Variants in KCNN3 observed in about 807,000 individuals in gnomAD.
KCNN3 encodes small conductance calcium-activated potassium channel protein 3.
Under a neutral mutation model 62.9 loss-of-function variants are expected in KCNN3, and 16 were observed. The observed-to-expected ratio is 0.25, with a 90% confidence interval of 0.17 to 0.39. The LOEUF (loss-of-function observed/expected upper bound fraction) is 0.39. Among genes scored for constraint, KCNN3 ranks in the 10% least tolerant of loss-of-function variants. The pLI is 1.00. For synonymous variants in KCNN3, 370 were observed against 389.2 expected (o/e 0.95, Z 0.58); for missense variants, 599 against 949.4 (o/e 0.63, Z 4.85).
intron 5 of KCNN3, among the ~76,000 whole-genome samples, chr1:154,724,404 C>A (rs1408291048): frequency 6.6e-6 from 1 of 152,216 alleles, no homozygotes; most frequent in African/African-American, 2.4e-5. Flanking sequence ...GCTCATGGGT[C>A]CCTTAACCTA....
rs1322174628 is a variant in KCNN3 at position 154,869,585 on chromosome 1, C to T, written c.380G>A (p.Gly127Asp). ...GTGGTCATTGAGATTGAGCTGGCTGCCTTGCCTGGAGGAAGGGTGGAGGAT... is the reference window on the plus strand; with the variant it reads ...GTGGTCATTGAGATTGAGCTGGCTGTCTTGCCTGGAGGAAGGGTGGAGGAT... Reference protein sequence around the residue: ...TAILHPSSRQGSQLNLNDHLL... With the variant: ...TAILHPSSRQDSQLNLNDHLL... Residue 127 changes from glycine (G) to aspartate (D), a missense_variant, in exon 1 of 8, where the codon GGC becomes GAC. Gly to Asp is a moderately conservative substitution (Grantham distance 94, BLOSUM62 -1). Around this residue, in one of 7 missense-constraint regions of KCNN3, gnomAD observed 112 missense variants for 142.9 expected, o/e 0.78. Transcript: ENST00000271915. The surrounding 1 kb of genome is among the most constrained non-coding windows in gnomAD (Gnocchi z 6.1). 4.3e-6 allele frequency: 7 copies of T among 1,614,018 alleles called. No individual in the cohort carries two copies. Among genetic ancestry groups the T allele is most frequent in the Non-Finnish European group, 5.9e-6 (7 of 1,180,008 alleles).
intron 2 of KCNN3, among the ~76,000 whole-genome samples, chr1:154,788,181 G>A (rs889168912): frequency 1.3e-5 from 2 of 152,220 alleles, no homozygotes; most frequent in Non-Finnish European, 2.9e-5. Flanking sequence ...TTTCTAGTTA[G>A]TTCTGAGGTC....
intron 2 of KCNN3, among the ~76,000 whole-genome samples, chr1:154,795,417 A>C (rs1649692041): frequency 6.6e-6 from 1 of 152,106 alleles, no homozygotes; most frequent in South Asian, 2.1e-4. Context: ...TCCCCCACCT[A>C]CTGATCACAA....
rs562901757 is a variant in KCNN3 at position 154,850,414 on chromosome 1, C to T, written c.933+18618G>A. On this transcript the variant is annotated intron_variant, in intron 1 of 7. Coordinates refer to ENST00000271915, the MANE Select transcript of KCNN3 (RefSeq NM_002249.6). ...GGTCTACAGGTCCCAAGACTCTCACCCTCCAAGCCCGGGTGCCAGCATCAG... is the reference window on the plus strand; with the variant it reads ...GGTCTACAGGTCCCAAGACTCTCACTCTCCAAGCCCGGGTGCCAGCATCAG... 9.2e-5 allele frequency among the ~76,000 whole-genome samples: 14 copies of T among 152,336 alleles called. No homozygotes were observed. The East Asian group carries it at 1.5e-3, about 17-fold the overall frequency.
chr1:154,863,701 T>A (rs1354489236), intron 1 of KCNN3, among the ~76,000 whole-genome samples: 1 of 152,192 alleles, frequency 6.6e-6, no homozygotes, highest in Non-Finnish European at 1.5e-5. Context: ...GCCTTACAAA[T>A]CCCTCTTCCT....
At chr1:154,778,460 C>T (rs975572429) in intron 2 of KCNN3, among the ~76,000 whole-genome samples, 3 of 152,098 alleles carry the variant, frequency 2.0e-5, no homozygotes, top group African/African-American at 2.4e-5. Context: ...CAGCAGCGCC[C>T]GGAAGGCATG....
chr1:154,809,779 T>C lies in KCNN3; in HGVS notation c.1029+12310A>G, dbSNP rs1437657953. 2.0e-5 allele frequency among the ~76,000 whole-genome samples: 3 copies of C among 151,970 alleles called. No homozygotes were observed. The highest frequency in any genetic ancestry group is 7.3e-5 in the African/African-American group (3 of 41,358). On this transcript the variant is annotated intron_variant, in intron 2 of 7. Coordinates refer to ENST00000271915, the MANE Select transcript of KCNN3 (RefSeq NM_002249.6). The surrounding 1 kb of genome is among the most constrained non-coding windows in gnomAD (Gnocchi z 4.3). ...CAACGGTATTAGGAAGGATGGGAGA[T>C]TGAGGGGGCAGAGGGTGGGGAGCTG...
chr1:154,760,507 G>A (rs958477848), intron 3 of KCNN3, among the ~76,000 whole-genome samples: 2 of 152,070 alleles, frequency 1.3e-5, no homozygotes, highest in Non-Finnish European at 2.9e-5. Context: ...CGCTCCGGCT[G>A]TCGCCACAGC....
At chr1:154,843,829 A>C (rs902144732) in intron 1 of KCNN3, among the ~76,000 whole-genome samples, 2 of 152,150 alleles carry the variant, frequency 1.3e-5, no homozygotes, top group Non-Finnish European at 2.9e-5. Flanking sequence ...AGCAAGACAG[A>C]CGTTTGGAGA....
chr1:154,866,380 G>T (rs147896754), intron 1 of KCNN3, among the ~76,000 whole-genome samples: 1 of 152,104 alleles, frequency 6.6e-6, no homozygotes, highest in African/African-American at 2.4e-5. Flanking sequence ...TGCCTTACAC[G>T]TCTCTAATTT....
intron 1 of KCNN3, among the ~76,000 whole-genome samples, chr1:154,839,829 A>G (rs1400870679): frequency 6.6e-6 from 1 of 152,210 alleles, no homozygotes; most frequent in Admixed American, 6.5e-5. Context: ...AGACGGGACA[A>G]GGTGCCAGGA....
At chr1:154,842,846 GA>G (rs1480014433) in intron 1 of KCNN3, among the ~76,000 whole-genome samples, 6 of 152,168 alleles carry the variant, frequency 3.9e-5, no homozygotes, top group Admixed American at 1.3e-4. Context: ...ACGGTCTGCA[GA>G]AGGGGCTTTG....
At chr1:154,852,973 A>G (rs1356934111) in intron 1 of KCNN3, among the ~76,000 whole-genome samples, 1 of 151,986 alleles carries the variant, frequency 6.6e-6, no homozygotes, top group Non-Finnish European at 1.5e-5. Flanking sequence ...TTCCCTGAGC[A>G]CTTATTTAAT....
rs1402047227 is a variant in KCNN3, at chr1:154,862,146, A to C, written c.933+6886T>G. Among the ~76,000 whole-genome samples the C allele has an allele frequency of 6.6e-6, 1 of 152,160 alleles. No homozygotes were observed. The highest frequency in any genetic ancestry group is 1.5e-5 in the Non-Finnish European group (1 of 68,024). On this transcript the variant is annotated intron_variant, in intron 1 of 7. Transcript: ENST00000271915. This position sits in a 1 kb window ranked among gnomAD's most constrained non-coding sequence, Gnocchi z 4.1. ...GTTTGTGGTGGGGTTTGGAATAGGG[A>C]AATCAGAAGTGTACTGAGACCTGAG...
intron 2 of KCNN3, among the ~76,000 whole-genome samples, chr1:154,782,571 T>C (rs1365533866): frequency 3.9e-5 from 6 of 152,248 alleles, no homozygotes; most frequent in Non-Finnish European, 8.8e-5. Flanking sequence ...CCACAGACCC[T>C]TTCTCCAAGG....
At chr1:154,829,868 TCCCATTGGCACTG>T (rs1482122270) in intron 1 of KCNN3, among the ~76,000 whole-genome samples, 4 of 152,154 alleles carry the variant, frequency 2.6e-5, no homozygotes, top group Admixed American at 2.6e-4. Flanking sequence ...GCCTGGTGTC[TCCCATTGGCACTG>T]CCCAGCTGGG....
chr1:154,833,723 G>A (rs556004200), intron 1 of KCNN3, among the ~76,000 whole-genome samples: 1 of 152,304 alleles, frequency 6.6e-6, no homozygotes, highest in African/African-American at 2.4e-5. Flanking sequence ...CCACCAGCTT[G>A]AACACTGTCT....
At chr1:154,817,961 T>C (rs981883931) in intron 2 of KCNN3, among the ~76,000 whole-genome samples, 6 of 152,066 alleles carry the variant, frequency 3.9e-5, no homozygotes, top group Non-Finnish European at 7.4e-5. Context: ...CGGTGGCATG[T>C]AAAACGTGAG....
intron 1 of KCNN3, among the ~76,000 whole-genome samples, chr1:154,835,030 C>T (rs557598338): frequency 1.3e-5 from 2 of 152,300 alleles, no homozygotes; most frequent in East Asian, 1.9e-4. Flanking sequence ...GGTCAGCCAC[C>T]GAGGAAGCCA....
Sources: gnomAD v4.1 joint callset for allele counts (sites outside exome capture counted in the v4.1 genomes callset) on GRCh38, gnomAD v4.1.1 for gene constraint, gnomAD v4.1.1 regional missense constraint, Gnocchi (gnomAD v3.1) non-coding constraint, MANE v1.5 for transcripts, NCBI Gene and HGNC (gene_info 2026-07-23, HGNC 2026-07-21) for gene names.